Variants in IL3RA observed in about 807,000 individuals in gnomAD.
IL3RA encodes the protein interleukin 3 receptor subunit alpha, also known as interleukin-3 receptor subunit alpha.
IL3RA carries 73 observed loss-of-function variants against 52.3 expected under a neutral mutation model. The observed-to-expected ratio is 1.40, with a 90% CI of 1.16 to 1.70. The LOEUF is 1.70. Ranked by LOEUF, IL3RA falls within the 40% of genes most tolerant of loss-of-function variation. IL3RA has a pLI of 0.00. For missense variants in IL3RA, 664 were observed against 504.4 expected (o/e 1.32, Z -3.03); for synonymous variants, 260 against 194.0 (o/e 1.34, Z -2.83).
chrX:1,354,394 G>A (rs2086455744), intron 6 of IL3RA, among the ~76,000 whole-genome samples: 1 of 151,338 alleles, frequency 6.6e-6, no homozygotes, highest in Admixed American at 6.6e-5. Context: ...CTGAACCCAA[G>A]GGCAGGGTGC....
chrX:1,380,796 G>C (rs62605706), intron 10 of IL3RA, among the ~76,000 whole-genome samples: 9,766 of 151,666 alleles, frequency 0.064, 504 homozygotes, highest in Non-Finnish European at 0.1. Flanking sequence ...ACCCCTGGGT[G>C]GCTCCGGTAC....
intron 8 of IL3RA, among the ~76,000 whole-genome samples, chrX:1,361,953 G>T (rs1274224523): frequency 6.6e-6 from 1 of 151,710 alleles, no homozygotes; most frequent in Admixed American, 6.6e-5. Flanking sequence ...ATTTGGGTGG[G>T]GACACAGCCA....
At chrX:1,341,869 C>T (rs375045107) in intron 2 of IL3RA, 40 bp downstream of exon 2, 33 of 1,596,508 alleles carry the variant, frequency 2.1e-5, no homozygotes, top group Middle Eastern at 1.7e-4. Flanking sequence ...ACCTGGGGAG[C>T]GGTGGGGGTA....
At chrX:1,348,646 C>CTTTCTT (rs1477545506) in intron 4 of IL3RA, 101 bp downstream of exon 4, 1 of 281,524 alleles carries the variant, frequency 3.6e-6, no homozygotes, top group Admixed American at 9.4e-5. Flanking sequence ...TTCTTTTTCT[C>CTTTCTT]TTTCTTTCTT....
At chrX:1,341,890 C>A (rs2085511000) in intron 2 of IL3RA, 61 bp downstream of exon 2, 3 of 1,550,556 alleles carry the variant, frequency 1.9e-6, no homozygotes, top group Non-Finnish European at 2.7e-6. Context: ...GACAGACACA[C>A]AATGTCAGCG....
rs17881917 is a variant in IL3RA, at chrX:1,341,764, C to G, written c.-2C>G. 1 of 1,613,772 alleles carries G rather than the reference C, an allele frequency of 6.2e-7. No homozygotes were observed. Among genetic ancestry groups the G allele is most frequent in the South Asian group, 1.1e-5 (1 of 91,076 alleles). On this transcript the variant is annotated 5_prime_UTR_variant, in exon 2 of 12. Transcript: ENST00000331035. Reference sequence around the variant, plus strand: ...GTCCTGCGTTCCGGAGCTGCGTTCCCGATGGTCCTCCTTTGGCTCACGCTG... The same window carrying G: ...GTCCTGCGTTCCGGAGCTGCGTTCCGGATGGTCCTCCTTTGGCTCACGCTG...
At chrX:1,356,964 T>C (rs1321131077) in intron 7 of IL3RA, among the ~76,000 whole-genome samples, 1 of 152,138 alleles carries the variant, frequency 6.6e-6, no homozygotes, top group African/African-American at 2.4e-5. Flanking sequence ...AATATTGATT[T>C]ATTTATTGAG....
chrX:1,382,052 A>T (rs1424006944), intron 11 of IL3RA, among the ~76,000 whole-genome samples: 2 of 151,178 alleles, frequency 1.3e-5, no homozygotes, highest in African/African-American at 4.9e-5. Flanking sequence ...TGAAGGTTCA[A>T]GCGATTCTCC....
chrX:1,352,213 C>T lies in IL3RA; in HGVS notation c.412C>T (p.Leu138=), dbSNP rs747253424. 1.2e-6 allele frequency: 2 copies of T among 1,613,632 alleles called. No individual in the cohort carries two copies. The highest frequency in any genetic ancestry group is 3.3e-5 in the Admixed American group (2 of 59,984). ...GGCCCCCGCGGACGTCCAGTACGAC[C>T]TGTACTTGAACGTTGCCAAGTAGGT... is the stretch of plus-strand genomic sequence containing the variant. ...PGAPADVQYD[L]YLNVANRRQQ... The change falls in exon 5 of 12, where the codon CTG becomes TTG. Residue 138 remains leucine (L), a synonymous_variant. Transcript: ENST00000331035.
At chrX:1,363,371 G>C (rs1443209210) in intron 8 of IL3RA, among the ~76,000 whole-genome samples, 1 of 150,088 alleles carries the variant, frequency 6.7e-6, no homozygotes, top group Non-Finnish European at 1.5e-5. Context: ...CGCAATCTCG[G>C]CTCACTGCAA....
At chrX:1,366,335 G>C (rs1420850290) in intron 9 of IL3RA, among the ~76,000 whole-genome samples, 1 of 62,780 alleles carries the variant, frequency 1.6e-5, no homozygotes, top group East Asian at 5.2e-4. Flanking sequence ...CCGGGTGCGC[G>C]GGGTGAGCCG....
intron 2 of IL3RA, 62 bp downstream of exon 2, chrX:1,341,891 A>G: frequency 1.3e-6 from 2 of 1,540,822 alleles, no homozygotes; most frequent in African/African-American, 1.4e-5. Context: ...ACAGACACAC[A>G]ATGTCAGCGT....
intron 1 of IL3RA, among the ~76,000 whole-genome samples, chrX:1,338,968 TTTTGTATGTTTAGTAGAGAC>T (rs1423882899): frequency 1.3e-5 from 2 of 152,090 alleles, no homozygotes; most frequent in East Asian, 3.9e-4. Flanking sequence ...CCTGGCTAAT[TTTTGTATGTTTAGTAGAGAC>T]TTTGTATGTT....
chrX:1,358,777 T>G, intron 7 of IL3RA, 84 bp from the exon 8 acceptor site: 1 of 1,509,914 alleles, frequency 6.6e-7, no homozygotes, highest in Non-Finnish European at 9.2e-7. Flanking sequence ...CTGGTTTTCC[T>G]GGAGGGAGAA....
At chrX:1,345,573 T>A in intron 3 of IL3RA, 139 bp downstream of exon 3, 1 of 482,510 alleles carries the variant, frequency 2.1e-6, no homozygotes, top group Non-Finnish European at 3.5e-6. Context: ...CTCTGCAACC[T>A]CCACCTCCCA....
At chrX:1,376,800 A>G (rs6645277) in intron 9 of IL3RA, among the ~76,000 whole-genome samples, 15 of 45,580 alleles carry the variant, frequency 3.3e-4, no homozygotes, top group Admixed American at 5.6e-4. Flanking sequence ...AGCAGCCTGA[A>G]ACGGACTAAG....
intron 11 of IL3RA, among the ~76,000 whole-genome samples, chrX:1,381,629 C>T (rs2089181798): frequency 6.6e-6 from 1 of 151,852 alleles, no homozygotes; most frequent in Non-Finnish European, 1.5e-5. Context: ...CCTCCACCTT[C>T]CCAGTCCAAG....
At position 1,382,523 on chromosome X, in the gene IL3RA, C is replaced by T. The variant is rs2089230497; in HGVS notation, c.*58C>T. On this transcript the variant is annotated 3_prime_UTR_variant, in exon 12 of 12. Transcript: ENST00000331035. ...CAATCTCCCTGGCCGGGCCAGGCGC[C>T]TGCACAGACTGGCTGCTGGACCTGC... 5.4e-6 allele frequency: 8 copies of T among 1,485,342 alleles called. No individual in the cohort carries two copies. The highest frequency in any genetic ancestry group is 2.3e-5 in the South Asian group (2 of 88,528). The allele number at this position is 1,485,342 out of a possible 1,614,324, so 92.0% of individuals were successfully genotyped here. A position where few individuals can be genotyped will look rare whatever the true frequency, so the allele number is the denominator to read the frequency against.
At chrX:1,381,210 C>G (rs2089163416) in intron 11 of IL3RA, 106 bp downstream of exon 11, 2 of 949,730 alleles carry the variant, frequency 2.1e-6, no homozygotes, top group Non-Finnish European at 3.4e-6. Flanking sequence ...ACCAGCCTGG[C>G]CAACATGGAG....
Sources: allele counts gnomAD v4.1 joint callset (sites outside exome capture counted in the v4.1 genomes callset), GRCh38; gene constraint gnomAD v4.1.1; transcripts MANE v1.5; gene names NCBI Gene and HGNC (gene_info 2026-07-23, HGNC 2026-07-21).